Variants in XKR4 observed in about 807,000 individuals in gnomAD.
The protein encoded by XKR4 is XK-related protein 4.
Under a neutral mutation model 53.9 loss-of-function variants are expected in XKR4, and 12 were observed. The ratio of observed to expected loss-of-function variants is 0.22; its 90% confidence interval spans 0.14 to 0.36. The LOEUF is 0.36. Among genes scored for constraint, XKR4 ranks in the 10% least tolerant of loss-of-function variants. The probability of loss-of-function intolerance (pLI) is 1.00; values close to 1 mark genes in which losing one functional copy is unlikely to be tolerated. For missense variants in XKR4, 799 were observed against 859.5 expected, an observed-to-expected ratio of 0.93 and a Z score of 0.88; for synonymous variants, 354 against 362.4, an observed-to-expected ratio of 0.98 and a Z score of 0.26.
At chr8:55,363,167 A>C (rs1803927776) in intron 2 of XKR4, among the ~76,000 whole-genome samples, 3 of 152,172 alleles carry the variant, frequency 2.0e-5, no homozygotes, top group Non-Finnish European at 4.4e-5. Flanking sequence ...CTAATGGAAA[A>C]TCTCATCCTA....
At chr8:55,287,131 T>TGG (rs61241477) in intron 1 of XKR4, among the ~76,000 whole-genome samples, 7 of 136,644 alleles carry the variant, frequency 5.1e-5, no homozygotes, top group African/African-American at 1.3e-4. Flanking sequence ...AATTATTGGG[T>TGG]GGGGGGGGGG....
At chr8:55,234,600 C>T (rs1818092534) in intron 1 of XKR4, among the ~76,000 whole-genome samples, 1 of 152,152 alleles carries the variant, frequency 6.6e-6, no homozygotes, top group African/African-American at 2.4e-5. Flanking sequence ...ATTTGCATCA[C>T]TCCAGTAGTT....
intron 1 of XKR4, among the ~76,000 whole-genome samples, chr8:55,277,054 G>A (rs978335531): frequency 1.3e-5 from 2 of 152,196 alleles, no homozygotes; most frequent in East Asian, 1.9e-4. Flanking sequence ...TAGGAGAAGA[G>A]AGTTAAAAGC....
At chr8:55,332,023 T>C (rs1453449106) in intron 1 of XKR4, among the ~76,000 whole-genome samples, 1 of 152,146 alleles carries the variant, frequency 6.6e-6, no homozygotes, top group Admixed American at 6.6e-5. Flanking sequence ...CATTATTTCC[T>C]CTATTACTGC....
intron 1 of XKR4, among the ~76,000 whole-genome samples, chr8:55,122,185 A>C (rs1186678700): frequency 2.0e-5 from 3 of 152,220 alleles, no homozygotes; most frequent in African/African-American, 7.2e-5. Flanking sequence ...TTTTTGGCCT[A>C]AATTATATAG....
At chr8:55,455,476 T>G (rs576002904) in intron 2 of XKR4, among the ~76,000 whole-genome samples, 1 of 152,136 alleles carries the variant, frequency 6.6e-6, no homozygotes, top group Non-Finnish European at 1.5e-5. Context: ...TAAACTTTGG[T>G]GCTAGAGGGG....
intron 2 of XKR4, among the ~76,000 whole-genome samples, chr8:55,415,155 A>G (rs905701177): frequency 6.6e-6 from 1 of 152,250 alleles, no homozygotes; most frequent in African/African-American, 2.4e-5. Flanking sequence ...ACAGCTTGAC[A>G]AAGTGATGTC....
intron 2 of XKR4, among the ~76,000 whole-genome samples, chr8:55,462,422 G>A (rs996831551): frequency 1.5e-4 from 23 of 152,146 alleles, no homozygotes; most frequent in African/African-American, 4.8e-4. Flanking sequence ...ACAAGCAAAT[G>A]CTGAGAGATT....
At chr8:55,506,834 G>A (rs1806531796) in intron 2 of XKR4, among the ~76,000 whole-genome samples, 1 of 152,214 alleles carries the variant, frequency 6.6e-6, no homozygotes, top group Non-Finnish European at 1.5e-5. Context: ...TGCACTCCAT[G>A]GAAAATGCAG....
chr8:55,179,920 GAGA>G (rs1436548477), intron 1 of XKR4, among the ~76,000 whole-genome samples: 1 of 152,134 alleles, frequency 6.6e-6, no homozygotes, highest in Non-Finnish European at 1.5e-5. Context: ...GGAAAATTTA[GAGA>G]AGTATTTATA....
At chr8:55,122,599 C>A (rs1816406393) in intron 1 of XKR4, among the ~76,000 whole-genome samples, 1 of 152,076 alleles carries the variant, frequency 6.6e-6, no homozygotes, top group African/African-American at 2.4e-5. Flanking sequence ...GTGAGCATGT[C>A]TTTCTGTTTT....
intron 1 of XKR4, among the ~76,000 whole-genome samples, chr8:55,294,465 G>A (rs975158455): frequency 2.6e-5 from 4 of 152,088 alleles, no homozygotes. Context: ...TCTTCCCTGG[G>A]CTAAAGGGAT....
chr8:55,453,392 G>A (rs1805489816), intron 2 of XKR4: 1 of 435,538 alleles, frequency 2.3e-6, no homozygotes, highest in African/African-American at 2.0e-5. Flanking sequence ...GCAGTGGCAG[G>A]CAGCTCACCA....
intron 2 of XKR4, among the ~76,000 whole-genome samples, chr8:55,488,229 C>T (rs1166024117): frequency 4.6e-5 from 7 of 152,092 alleles, no homozygotes; most frequent in South Asian, 2.1e-4. Context: ...GATGAGGATG[C>T]GGGGCAACAG....
chr8:55,346,118 C>A (rs1233266695), intron 1 of XKR4, among the ~76,000 whole-genome samples: 1 of 148,188 alleles, frequency 6.7e-6, no homozygotes, highest in Non-Finnish European at 1.5e-5. Flanking sequence ...CAGAGTCTTG[C>A]TCTGTCACCT....
At chr8:55,451,412 T>A in intron 2 of XKR4, 2 of 1,027,268 alleles carry the variant, frequency 1.9e-6, no homozygotes, top group Non-Finnish European at 1.5e-6. Flanking sequence ...CCGGACGCAC[T>A]GGAGTAGCGG....
intron 1 of XKR4, among the ~76,000 whole-genome samples, chr8:55,274,395 G>A (rs1818737149): frequency 6.6e-6 from 1 of 151,640 alleles, no homozygotes; most frequent in Non-Finnish European, 1.5e-5. Flanking sequence ...TCATCTCTGT[G>A]TGTGCATATT....
chr8:55,447,636 A>G (rs563618259), intron 2 of XKR4, among the ~76,000 whole-genome samples: 2 of 152,338 alleles, frequency 1.3e-5, no homozygotes, highest in African/African-American at 4.8e-5. Flanking sequence ...CTACTGTATA[A>G]TAGACAGCCC....
At position 55,144,373 on chromosome 8, in the gene XKR4, C is replaced by G. The variant is rs116118217; in HGVS notation, c.806+41079C>G. Among the ~76,000 whole-genome samples, 585 of 151,878 alleles carry G rather than the reference C, an allele frequency of 3.9e-3. 8 individuals are homozygous for G. Among genetic ancestry groups the G allele is most frequent in the African/African-American group, 0.014 (564 of 41,434 alleles). The stretch of plus-strand genomic sequence containing the variant: ...CTGTATGGAAAACAAAAAAAATTTA[C>G]TTTAAAAAAAAAATTCTATAATAAG... On this transcript the variant is annotated intron_variant, in intron 1 of 2. Transcript: ENST00000327381.
Sources: gnomAD v4.1 joint callset for allele counts (sites outside exome capture counted in the v4.1 genomes callset) on GRCh38, gnomAD v4.1.1 for gene constraint, MANE v1.5 for transcripts, NCBI Gene and HGNC (gene_info 2026-07-23, HGNC 2026-07-21) for gene names.